Variants in ADAM19 observed in about 807,000 individuals in gnomAD.
ADAM19 encodes ADAM metallopeptidase domain 19.
A neutral mutation model predicts 114.7 loss-of-function variants in ADAM19; 65 were observed. The observed-to-expected ratio is 0.57, with a 90% CI of 0.46 to 0.70. ADAM19 has a LOEUF of 0.70. ADAM19 is among the 30% of genes least tolerant of loss of function. ADAM19 has a pLI of 0.00. For missense variants in ADAM19, 1,063 were observed against 1,204.7 expected (o/e 0.88, Z 1.74); for synonymous variants, 466 against 460.5 (o/e 1.01, Z -0.15).
At chr5:157,539,685 G>T (rs1387307230) in intron 3 of ADAM19, among the ~76,000 whole-genome samples, 1 of 152,194 alleles carries the variant, frequency 6.6e-6, no homozygotes, top group Admixed American at 6.5e-5. Flanking sequence ...GAAACTTTGG[G>T]TCAGTGGCTA....
chr5:157,524,060 G>A (rs1360558814), intron 5 of ADAM19, among the ~76,000 whole-genome samples: 1 of 152,258 alleles, frequency 6.6e-6, no homozygotes, highest in Non-Finnish European at 1.5e-5. Flanking sequence ...TGGGGATGGA[G>A]GAGAGGCTGG....
intron 3 of ADAM19, among the ~76,000 whole-genome samples, chr5:157,542,744 G>T (rs1036469110): frequency 6.6e-5 from 10 of 152,238 alleles, no homozygotes; most frequent in Non-Finnish European, 1.0e-4. Context: ...GGCGGAAGCT[G>T]CAGTAAGCTG....
chr5:157,499,659 A>C lies in ADAM19; in HGVS notation c.1312T>G (p.Cys438Gly), dbSNP rs749792522. ...EECDCGEEEECNNPCCNASNC... is the reference protein window; with the variant it reads ...EECDCGEEEEGNNPCCNASNC... ...GAGGCATTGCAGCAGGGGTTGTTACATTCCTGGGGAGGCAGTGGGGTGGGT... is the reference window on the plus strand; with the variant it reads ...GAGGCATTGCAGCAGGGGTTGTTACCTTCCTGGGGAGGCAGTGGGGTGGGT... Residue 438 changes from cysteine to glycine, a missense_variant, in exon 13 of 23, where the codon TGT (cysteine) becomes GGT (glycine). Around this residue, in one of 3 missense-constraint regions of ADAM19, gnomAD observed 615 missense variants for 706.3 expected, o/e 0.87. Coordinates refer to ENST00000257527, the MANE Select transcript of ADAM19 (RefSeq NM_033274.5). 5 of 1,604,780 alleles carry C rather than the reference A, an allele frequency of 3.1e-6. No homozygotes were observed. The East Asian group carries it at 1.1e-4, about 36-fold the overall frequency.
intron 3 of ADAM19, among the ~76,000 whole-genome samples, chr5:157,557,302 T>C (rs543496905): frequency 6.6e-6 from 1 of 152,356 alleles, no homozygotes; most frequent in Admixed American, 6.5e-5. Flanking sequence ...GTATCTGGAA[T>C]TGAATCAGGG....
chr5:157,548,406 A>G (rs1015070143), intron 3 of ADAM19, among the ~76,000 whole-genome samples: 28 of 152,178 alleles, frequency 1.8e-4, no homozygotes, highest in African/African-American at 5.8e-4. Context: ...GGCACTCACA[A>G]TATTTGTTTA....
At chr5:157,573,546 G>C (rs918693393) in intron 1 of ADAM19, among the ~76,000 whole-genome samples, 1 of 152,134 alleles carries the variant, frequency 6.6e-6, no homozygotes, top group Non-Finnish European at 1.5e-5. Flanking sequence ...AGGAATTTGA[G>C]ACTAGCCTGG....
chr5:157,505,135 AAAAAT>A lies in ADAM19; in HGVS notation c.1130+529_1130+533del, dbSNP rs1294411735. Among the ~76,000 whole-genome samples the A allele has an allele frequency of 4.9e-3, 749 of 151,378 alleles. 17 individuals carry two copies. The highest frequency in any genetic ancestry group is 0.017 in the African/African-American group (719 of 41,098). ...CTCTGTCTCAAAAAAAAAAAAAAAA[AAAAAT>A]TTCCTCATGACCACAGGGAGATGCA... On this transcript the variant is annotated intron_variant, in intron 11 of 22. Transcript: ENST00000257527.
At chr5:157,484,593 A>G (rs1462929730) in intron 21 of ADAM19, among the ~76,000 whole-genome samples, 1 of 152,238 alleles carries the variant, frequency 6.6e-6, no homozygotes, top group Admixed American at 6.5e-5. Flanking sequence ...GGCAGGAATA[A>G]CACAAAGAGC....
chr5:157,563,064 A>G (rs1338005151), intron 3 of ADAM19, among the ~76,000 whole-genome samples: 2 of 152,284 alleles, frequency 1.3e-5, no homozygotes, highest in Non-Finnish European at 2.9e-5. Context: ...GGTCAAGAAC[A>G]AACCCTCTAA....
chr5:157,531,701 T>C (rs1339163742), intron 4 of ADAM19, among the ~76,000 whole-genome samples: 1 of 148,890 alleles, frequency 6.7e-6, no homozygotes, highest in Non-Finnish European at 1.5e-5. Context: ...GATGGTGTCA[T>C]GCTGAATTAG....
At position 157,508,261 on chromosome 5, in the gene ADAM19, T is replaced by C. The variant is rs1037017753; in HGVS notation, c.905+1040A>G. 5.9e-5 allele frequency among the ~76,000 whole-genome samples: 9 copies of C among 152,352 alleles called. 1 individual carries two copies. The highest frequency in any genetic ancestry group is 2.0e-4 in the Admixed American group (3 of 15,304). On this transcript the variant is annotated intron_variant, in intron 9 of 22. Transcript: ENST00000257527. ...ATTTTTCCCAGTTTCTTTAAAAGGA[T>C]AAGCCAAAGTTTAAATGATTATTAA...
intron 21 of ADAM19, 104 bp from the exon 22 acceptor site, chr5:157,482,047 C>A: frequency 1.1e-6 from 1 of 911,764 alleles, no homozygotes. Context: ...AAGTTATATA[C>A]TGTATGGTCC....
At position 157,507,155 on chromosome 5, in the gene ADAM19, G is replaced by C. The variant is rs952218839; in HGVS notation, c.906-15C>G. The stretch of plus-strand genomic sequence containing the variant: ...AGGACATGCCCCTGCAGGAGGCAAG[G>C]AGAGACGGTGACCGGGGACGAGACT... On this transcript the variant is annotated splice_polypyrimidine_tract_variant and intron_variant, in intron 9 of 22. Transcript: ENST00000257527. The C allele has an allele frequency of 6.2e-7, 1 of 1,613,058 alleles. No individual in the cohort carries two copies. The highest frequency in any genetic ancestry group is 1.1e-5 in the South Asian group (1 of 91,046).
intron 21 of ADAM19, among the ~76,000 whole-genome samples, chr5:157,482,212 T>G (rs1754777132): frequency 6.6e-6 from 1 of 152,268 alleles, no homozygotes; most frequent in Non-Finnish European, 1.5e-5. Flanking sequence ...TTTTGAGAAG[T>G]GTCTGTTCAT....
intron 14 of ADAM19, among the ~76,000 whole-genome samples, chr5:157,496,110 G>A (rs938737648): frequency 2.0e-5 from 3 of 151,994 alleles, no homozygotes; most frequent in African/African-American, 7.3e-5. Flanking sequence ...AGCCACCTGA[G>A]TAGCTAGGAT....
At chr5:157,490,566 A>G in intron 18 of ADAM19, 112 bp from the exon 19 acceptor site, 1 of 1,294,076 alleles carries the variant, frequency 7.7e-7, no homozygotes, top group Non-Finnish European at 1.1e-6. Flanking sequence ...TTTAATTTGT[A>G]TTACTTATTT....
At chr5:157,539,110 G>A (rs1382993281) in intron 3 of ADAM19, among the ~76,000 whole-genome samples, 7 of 149,308 alleles carry the variant, frequency 4.7e-5, no homozygotes, top group East Asian at 2.0e-4. Flanking sequence ...CCGAGATCAC[G>A]TCATTGCACT....
At chr5:157,561,526 A>G (rs1757508928) in intron 3 of ADAM19, among the ~76,000 whole-genome samples, 1 of 152,166 alleles carries the variant, frequency 6.6e-6, no homozygotes, top group African/African-American at 2.4e-5. Context: ...AATCCAGTGT[A>G]TGGGGAAATG....
intron 5 of ADAM19, among the ~76,000 whole-genome samples, chr5:157,526,879 C>T (rs1369196620): frequency 2.0e-5 from 3 of 152,248 alleles, no homozygotes; most frequent in African/African-American, 7.2e-5. Context: ...CCTCGGCCTC[C>T]CAAAGTGCTG....
Sources: gnomAD v4.1 joint callset for allele counts (sites outside exome capture counted in the v4.1 genomes callset) on GRCh38, gnomAD v4.1.1 for gene constraint, gnomAD v4.1.1 regional missense constraint, MANE v1.5 for transcripts, NCBI Gene and HGNC (gene_info 2026-07-23, HGNC 2026-07-21) for gene names.